The following IQCJ variants were observed in gnomAD, a reference collection of about 807,000 sequenced individuals.
The protein encoded by IQCJ is IQ motif containing J.
Under a neutral mutation model 11.0 loss-of-function variants are expected in IQCJ, and 9 were observed. The observed-to-expected ratio is 0.82, with a 90% confidence interval of 0.49 to 1.43. The LOEUF (loss-of-function observed/expected upper bound fraction) is 1.43. Ranked by LOEUF, IQCJ falls within the 40% of genes most tolerant of loss-of-function variation. The pLI is 0.00. For missense variants in IQCJ, 146 were observed against 133.2 expected (o/e 1.10, Z -0.47); for synonymous variants, 55 against 51.3 (o/e 1.07, Z -0.31).
intron 3 of IQCJ, among the ~76,000 whole-genome samples, chr3:159,255,331 C>A (rs1727836951): frequency 6.6e-6 from 1 of 152,112 alleles, no homozygotes; most frequent in Non-Finnish European, 1.5e-5. Context: ...CTAGTGTCTG[C>A]AAGCCCTGAG....
chr3:159,262,581 G>C lies in IQCJ; in HGVS notation c.189G>C (p.Arg63=). Reference sequence around the variant, plus strand: ...GAGCATGGCGAGAGTACCTGCAGCGGCAGGAGCCCCTGGGGAAGAGGAGCC... The same window carrying C: ...GAGCATGGCGAGAGTACCTGCAGCGCCAGGAGCCCCTGGGGAAGAGGAGCC... ...IQRAWREYLQ[R]QEPLGKRSPS... is the part of the protein sequence containing the mutation. Residue 63 remains arginine, a synonymous_variant, in exon 4 of 4, where the codon CGG becomes CGC. Coordinates refer to ENST00000397832, the MANE Select transcript of IQCJ (RefSeq NM_001042706.3). 6.2e-7 allele frequency: 1 copy of C among 1,613,834 alleles called. No individual in the cohort carries two copies. Among genetic ancestry groups the C allele is most frequent in the Non-Finnish European group, 8.5e-7 (1 of 1,179,784 alleles).
At chr3:159,179,202 G>A (rs1275558979) in intron 1 of IQCJ, among the ~76,000 whole-genome samples, 1 of 152,126 alleles carries the variant, frequency 6.6e-6, no homozygotes, top group African/African-American at 2.4e-5. Context: ...TTGGATGCTA[G>A]ACATGGAACC....
intron 1 of IQCJ, among the ~76,000 whole-genome samples, chr3:159,087,751 G>T (rs1398347770): frequency 6.6e-6 from 1 of 150,636 alleles, no homozygotes; most frequent in Non-Finnish European, 1.5e-5. Flanking sequence ...ATTTCTGTGG[G>T]ATCGGTGGTG....
At chr3:159,108,343 A>G (rs1375065146) in intron 1 of IQCJ, among the ~76,000 whole-genome samples, 1 of 142,474 alleles carries the variant, frequency 7.0e-6, no homozygotes, top group African/African-American at 3.1e-5. Flanking sequence ...ATATTTTCTT[A>G]TCTCAGCAAA....
intron 1 of IQCJ, among the ~76,000 whole-genome samples, chr3:159,084,749 A>C (rs1486534754): frequency 6.6e-5 from 10 of 152,030 alleles, no homozygotes; most frequent in African/African-American, 1.9e-4. Flanking sequence ...GATCATTTCA[A>C]GTTTTGGCAG....
intron 1 of IQCJ, among the ~76,000 whole-genome samples, chr3:159,187,861 A>G (rs4680494): frequency 0.65 from 98,783 of 151,974 alleles, 32,360 homozygotes; most frequent in South Asian, 0.76. Flanking sequence ...AGCAAGCAGG[A>G]CCTGGAATCC....
intron 1 of IQCJ, among the ~76,000 whole-genome samples, chr3:159,113,717 G>A (rs963950218): frequency 2.6e-5 from 4 of 152,146 alleles, no homozygotes; most frequent in African/African-American, 7.2e-5. Context: ...AGGCAGAGTG[G>A]AGAAAGCATT....
downstream of IQCJ, among the ~76,000 whole-genome samples, chr3:159,265,016 T>A (rs1728420875): frequency 6.6e-6 from 1 of 152,078 alleles, no homozygotes; most frequent in African/African-American, 2.4e-5. Flanking sequence ...ATTATAACAA[T>A]GACTTAAATA....
At chr3:159,169,279 CTTTTT>C (rs141888128) in intron 1 of IQCJ, among the ~76,000 whole-genome samples, 2 of 56,402 alleles carry the variant, frequency 3.5e-5, no homozygotes, top group South Asian at 9.1e-4. Flanking sequence ...TTCTTTCTTT[CTTTTT>C]TTTTTTTTTT....
chr3:159,161,999 G>T (rs1173931281), intron 1 of IQCJ, among the ~76,000 whole-genome samples: 1 of 152,184 alleles, frequency 6.6e-6, no homozygotes, highest in East Asian at 1.9e-4. Context: ...GCTTAGGATT[G>T]ACTTGGCGAC....
At chr3:159,216,952 G>A (rs7639608) in intron 1 of IQCJ, among the ~76,000 whole-genome samples, 46,689 of 151,962 alleles carry the variant, frequency 0.31, 7,447 homozygotes, top group Middle Eastern at 0.4. Flanking sequence ...CAACTTAATA[G>A]CTCAATTATC....
intron 1 of IQCJ, among the ~76,000 whole-genome samples, chr3:159,196,175 G>A (rs933905670): frequency 3.9e-5 from 6 of 152,136 alleles, no homozygotes; most frequent in Non-Finnish European, 8.8e-5. Context: ...TAATTTCAGA[G>A]CCCATGCTCA....
intron 1 of IQCJ, among the ~76,000 whole-genome samples, chr3:159,184,045 C>A (rs1723247451): frequency 6.6e-6 from 1 of 151,598 alleles, no homozygotes; most frequent in Non-Finnish European, 1.5e-5. Context: ...CTTTCCCACC[C>A]TTACTTAAAA....
intron 1 of IQCJ, among the ~76,000 whole-genome samples, chr3:159,135,685 G>C (rs1489308620): frequency 6.6e-6 from 1 of 152,156 alleles, no homozygotes; most frequent in Non-Finnish European, 1.5e-5. Flanking sequence ...TATGGGTTAA[G>C]CATGGAGTAA....
chr3:159,183,654 C>A (rs1723221958), intron 1 of IQCJ, among the ~76,000 whole-genome samples: 1 of 152,202 alleles, frequency 6.6e-6, no homozygotes, highest in South Asian at 2.1e-4. Flanking sequence ...CAGTCCAATG[C>A]TAGTTGAGTA....
chr3:159,185,031 C>T (rs1723302647), intron 1 of IQCJ, among the ~76,000 whole-genome samples: 1 of 152,188 alleles, frequency 6.6e-6, no homozygotes. Context: ...TAGCCACAAG[C>T]AGGAAGCATC....
chr3:159,087,755 G>C (rs370486108), intron 1 of IQCJ, among the ~76,000 whole-genome samples: 1 of 150,736 alleles, frequency 6.6e-6, no homozygotes, highest in Non-Finnish European at 1.5e-5. Context: ...CTGTGGGATC[G>C]GTGGTGATAT....
At chr3:159,252,916 T>C (rs1317019815) in intron 3 of IQCJ, 109 bp downstream of exon 3, 2 of 1,098,664 alleles carry the variant, frequency 1.8e-6, no homozygotes, top group Admixed American at 2.3e-5. Context: ...TTTACATTCA[T>C]GTGCTGCATA....
At chr3:159,240,535 C>T (rs1259190537) in intron 1 of IQCJ, among the ~76,000 whole-genome samples, 1 of 152,108 alleles carries the variant, frequency 6.6e-6, no homozygotes, top group African/African-American at 2.4e-5. Flanking sequence ...GGCAAATATA[C>T]CCTACTACTA....
Sources: allele counts gnomAD v4.1 joint callset (sites outside exome capture counted in the v4.1 genomes callset), GRCh38; gene constraint gnomAD v4.1.1; transcripts MANE v1.5; gene names NCBI Gene and HGNC (gene_info 2026-07-23, HGNC 2026-07-21).